FSTL4: variants seen among roughly 807,000 people sequenced by gnomAD.
The protein encoded by FSTL4 is follistatin like 4.
Under a neutral mutation model 78.2 loss-of-function variants are expected in FSTL4, and 28 were observed. That is an observed-to-expected ratio of 0.36 (90% CI 0.27 to 0.49). The LOEUF (loss-of-function observed/expected upper bound fraction) is 0.49. Among genes scored for constraint, FSTL4 ranks in the 20% least tolerant of loss-of-function variants. The probability of loss-of-function intolerance (pLI) is 0.98; values close to 1 mark genes in which losing one functional copy is unlikely to be tolerated. For synonymous variants in FSTL4, 422 were observed against 440.5 expected, an observed-to-expected ratio of 0.96 and a Z score of 0.53; for missense variants, 922 against 1,084.9, an observed-to-expected ratio of 0.85 and a Z score of 2.11.
At chr5:133,840,130 C>T in the FSTL4 span, among the ~76,000 whole-genome samples, 3 of 152,250 alleles carry the variant, frequency 2.0e-5, no homozygotes, top group African/African-American at 7.2e-5. Context: ...ACAGGCATTG[C>T]TGCCTGTCTG....
intron 4 of FSTL4, among the ~76,000 whole-genome samples, chr5:133,397,515 C>T (rs1756088902): frequency 6.6e-6 from 1 of 152,218 alleles, no homozygotes; most frequent in Admixed American, 6.5e-5. Flanking sequence ...CAAGGAATCC[C>T]ATTGCCATAG....
At chr5:133,533,504 C>G (rs577477494) in intron 3 of FSTL4, among the ~76,000 whole-genome samples, 1 of 152,288 alleles carries the variant, frequency 6.6e-6, no homozygotes, top group East Asian at 1.9e-4. Flanking sequence ...CCTCAGCCTC[C>G]CAAAGTGCTG....
chr5:133,201,372 C>T (rs577859153), intron 15 of FSTL4, among the ~76,000 whole-genome samples: 2 of 152,228 alleles, frequency 1.3e-5, no homozygotes, highest in South Asian at 4.1e-4. Context: ...AATCAGGAAG[C>T]CTTGTCTCGT....
At chr5:133,695,845 G>C in the FSTL4 span, among the ~76,000 whole-genome samples, 1 of 152,192 alleles carries the variant, frequency 6.6e-6, no homozygotes, top group African/African-American at 2.4e-5. Flanking sequence ...AAAGATGTGA[G>C]TGACCTCCAT....
chr5:133,532,188 GC>G (rs1219485118), intron 3 of FSTL4, among the ~76,000 whole-genome samples: 1 of 152,174 alleles, frequency 6.6e-6, no homozygotes, highest in Non-Finnish European at 1.5e-5. Flanking sequence ...GGGGCCACAA[GC>G]CAAGAAGGCA....
chr5:133,521,072 C>T (rs1212823294), intron 3 of FSTL4, among the ~76,000 whole-genome samples: 1 of 152,100 alleles, frequency 6.6e-6, no homozygotes, highest in Non-Finnish European at 1.5e-5. Context: ...ATTCACTGTT[C>T]CTTCCTAGGG....
chr5:133,376,792 G>A (rs968351003), intron 4 of FSTL4, among the ~76,000 whole-genome samples: 12 of 150,956 alleles, frequency 7.9e-5, no homozygotes, highest in African/African-American at 2.9e-4. Context: ...GGGAGGCTGA[G>A]ACATGAGAAT....
chr5:133,750,673 T>C, the FSTL4 span, among the ~76,000 whole-genome samples: 1 of 152,152 alleles, frequency 6.6e-6, no homozygotes, highest in Non-Finnish European at 1.5e-5. Flanking sequence ...CACCTCCCTG[T>C]CCCGGCTCCT....
At chr5:133,657,103 C>T in the FSTL4 span, among the ~76,000 whole-genome samples, 1 of 152,066 alleles carries the variant, frequency 6.6e-6, no homozygotes, top group Non-Finnish European at 1.5e-5. Flanking sequence ...TCTGAGATGC[C>T]TATTAGTAAG....
intron 4 of FSTL4, among the ~76,000 whole-genome samples, chr5:133,383,277 C>G (rs1394488174): frequency 2.0e-5 from 3 of 152,158 alleles, no homozygotes; most frequent in Admixed American, 2.0e-4. Flanking sequence ...GAGAGCCACT[C>G]TCTCAGGAAG....
At chr5:133,627,622 TATA>T in the FSTL4 span, among the ~76,000 whole-genome samples, 1 of 152,214 alleles carries the variant, frequency 6.6e-6, no homozygotes, top group African/African-American at 2.4e-5. Context: ...TCAACCTGCC[TATA>T]ATGTTATATT....
intron 6 of FSTL4, among the ~76,000 whole-genome samples, chr5:133,272,397 C>T (rs995213239): frequency 6.6e-6 from 1 of 152,158 alleles, no homozygotes; most frequent in Non-Finnish European, 1.5e-5. Flanking sequence ...GATGGAAAGC[C>T]GGCGTGGAGG....
chr5:133,700,803 G>A, the FSTL4 span, among the ~76,000 whole-genome samples: 4 of 152,340 alleles, frequency 2.6e-5, no homozygotes, highest in Middle Eastern at 0.014. Context: ...GGCTTAAATG[G>A]AGTGTGAAGA....
the FSTL4 span, among the ~76,000 whole-genome samples, chr5:133,640,266 G>A: frequency 6.6e-6 from 1 of 152,306 alleles, no homozygotes; most frequent in South Asian, 2.1e-4. Flanking sequence ...TGATTAATGA[G>A]AATCTCATAA....
chr5:133,739,127 T>C, the FSTL4 span, among the ~76,000 whole-genome samples: 1 of 152,118 alleles, frequency 6.6e-6, no homozygotes, highest in South Asian at 2.1e-4. Flanking sequence ...TGATTTTTTT[T>C]ACTGAGCACC....
chr5:133,200,574 A>G (rs1000453329), intron 15 of FSTL4, among the ~76,000 whole-genome samples: 1 of 152,238 alleles, frequency 6.6e-6, no homozygotes, highest in Admixed American at 6.5e-5. Flanking sequence ...AGGGAACTTT[A>G]GCAGAGGGAC....
At position 133,575,802 on chromosome 5, in the gene FSTL4, T is replaced by C. The variant is rs544629333; in HGVS notation, c.127-8583A>G. On this transcript the variant is annotated intron_variant, in intron 2 of 15. Coordinates refer to ENST00000265342, the MANE Select transcript of FSTL4 (RefSeq NM_015082.2). ...ATGAGACTTAGTGCATGGGCATTAC[T>C]TAATGACTAAATTTCTTTAACTAAA... Among the ~76,000 whole-genome samples, 304 of 152,364 alleles carry C rather than the reference T, an allele frequency of 2.0e-3. 1 individual carries two copies. Among genetic ancestry groups the C allele is most frequent in the Middle Eastern group, 3.4e-3 (1 of 294 alleles).
the FSTL4 span, among the ~76,000 whole-genome samples, chr5:133,618,190 ATATAT>A: frequency 2.4e-4 from 36 of 152,352 alleles, no homozygotes; most frequent in African/African-American, 8.2e-4. Context: ...ACATATAACA[ATATAT>A]TATAATAAAA....
At chr5:133,508,283 G>A (rs1350853863) in intron 3 of FSTL4, among the ~76,000 whole-genome samples, 3 of 152,202 alleles carry the variant, frequency 2.0e-5, no homozygotes. Flanking sequence ...GGGGATGGGT[G>A]GGAATCATCT....
Sources: allele counts gnomAD v4.1 joint callset (sites outside exome capture counted in the v4.1 genomes callset), GRCh38; gene constraint gnomAD v4.1.1; transcripts MANE v1.5; gene names NCBI Gene and HGNC (gene_info 2026-07-23, HGNC 2026-07-21).